The following CFLAR variants were observed in gnomAD, a reference collection of about 807,000 sequenced individuals.
CFLAR encodes the protein CASP8 and FADD like apoptosis regulator, also known as CASP8 and FADD-like apoptosis regulator.
CFLAR carries 14 observed loss-of-function variants against 51.1 expected under a neutral mutation model. That is an observed-to-expected ratio of 0.27 (90% CI 0.18 to 0.43). The LOEUF (loss-of-function observed/expected upper bound fraction) is 0.43, where lower values mean the gene tolerates loss of function less well. Ranked by LOEUF, CFLAR falls within the 20% of genes least tolerant of loss-of-function variation. CFLAR has a pLI of 1.00. For missense variants in CFLAR, 390 were observed against 566.5 expected (o/e 0.69, Z 3.16); for synonymous variants, 210 against 211.6 (o/e 0.99, Z 0.06).
chr2:201,171,193 G>T lies in CFLAR; in HGVS notation c.*7220G>T, dbSNP rs1235180424. The stretch of plus-strand genomic sequence containing the variant: ...TGAAGGATAAAAGAATACAAATTGG[G>T]TTCAGTGTATACTGCTCAGGTGATG... On this transcript the variant is annotated 3_prime_UTR_variant, in exon 10 of 10. Coordinates refer to ENST00000309955, the MANE Select transcript of CFLAR (RefSeq NM_003879.7). The T allele has an allele frequency of 6.6e-6, 1 of 152,128 alleles. No homozygotes were observed. The allele number at this position is 152,128 out of a possible 1,614,324, so 9.4% of individuals were successfully genotyped here. A position where few individuals can be genotyped will look rare whatever the true frequency, so the allele number is the denominator to read the frequency against.
At position 201,171,747 on chromosome 2, in the gene CFLAR, C is replaced by T. The variant is rs528102086; in HGVS notation, c.*7774C>T. The T allele has an allele frequency of 6.6e-5, 10 of 152,084 alleles. No individual in the cohort carries two copies. The highest frequency in any genetic ancestry group is 2.4e-4 in the African/African-American group (10 of 41,504). 9.4% of individuals were successfully genotyped at this position (152,084 alleles called of 1,614,324 possible). The stretch of plus-strand genomic sequence containing the variant: ...TGCAGTTCAGTCAAACATTGGAAGT[C>T]TTTCTCTGACTGTCTAGTTGGTATC... On this transcript the variant is annotated 3_prime_UTR_variant, in exon 10 of 10. Transcript: ENST00000309955.
Position 201,138,033 on chromosome 2 carries a change from T to G in CFLAR, c.523+1926T>G. Reference sequence around the variant, plus strand: ...GGCCACCTTGTACACAGCAGTGCCCTGGGGCTGACTGCAGGCTATCACTTC... The same window carrying G: ...GGCCACCTTGTACACAGCAGTGCCCGGGGGCTGACTGCAGGCTATCACTTC... On this transcript the variant is annotated intron_variant, in intron 4 of 9. Transcript: ENST00000309955. This position sits in a 1 kb window ranked among gnomAD's most constrained non-coding sequence, Gnocchi z 4.0. 1.4e-6 allele frequency: 1 copy of G among 725,204 alleles called. No individual in the cohort carries two copies. Among genetic ancestry groups the G allele is most frequent in the Non-Finnish European group, 2.6e-6 (1 of 391,088 alleles). The allele number at this position is 725,204 out of a possible 1,614,324, so 44.9% of individuals were successfully genotyped here.
rs1008747578 is a variant in CFLAR at position 201,168,934 on chromosome 2, A to T, written c.*4961A>T. 5 of 152,206 alleles carry T rather than the reference A, an allele frequency of 3.3e-5. No individual in the cohort carries two copies. The highest frequency in any genetic ancestry group is 7.4e-5 in the Non-Finnish European group (5 of 68,024). The allele number at this position is 152,206 out of a possible 1,614,324, so 9.4% of individuals were successfully genotyped here. ...GATGTGAAGGATCTCTTCAAGGAGA[A>T]CTACAAACCACTGCTCAAGGAAATA... On this transcript the variant is annotated 3_prime_UTR_variant, in exon 10 of 10. Coordinates refer to ENST00000309955, the MANE Select transcript of CFLAR (RefSeq NM_003879.7).
At chr2:201,147,288 G>A (rs557907382) in intron 6 of CFLAR, among the ~76,000 whole-genome samples, 2 of 152,318 alleles carry the variant, frequency 1.3e-5, no homozygotes, top group African/African-American at 4.8e-5. Flanking sequence ...CAGCACTTTG[G>A]GAGGTCGAGG....
chr2:201,158,855 T>C lies in CFLAR; in HGVS notation c.794-1577T>C, dbSNP rs574981407. Among the ~76,000 whole-genome samples, 129 of 121,620 alleles carry C rather than the reference T, an allele frequency of 1.1e-3. No homozygotes were observed. In the South Asian group the frequency reaches 0.015, roughly 14 times the overall value. The allele number at this position is 121,620 out of a possible 152,430, so 79.8% of individuals were successfully genotyped here. ...CTGTAACGGCATTTGCCCTCATCATTATTATTATTATTATTATTATTATTA... is the reference window on the plus strand; with the variant it reads ...CTGTAACGGCATTTGCCCTCATCATCATTATTATTATTATTATTATTATTA... On this transcript the variant is annotated intron_variant, in intron 8 of 9. Transcript: ENST00000309955.
chr2:201,128,819 A>G (rs1285693011), intron 1 of CFLAR, among the ~76,000 whole-genome samples: 4 of 152,222 alleles, frequency 2.6e-5, no homozygotes, highest in Non-Finnish European at 2.9e-5. Context: ...CTTAGAGTAG[A>G]TAGGTTAGCA....
chr2:201,168,806 A>ATT lies in CFLAR; in HGVS notation c.*4834_*4835dup, dbSNP rs1943828086. 1 of 152,308 alleles carries ATT rather than the reference A, an allele frequency of 6.6e-6. No individual in the cohort carries two copies. Among genetic ancestry groups the ATT allele is most frequent in the Non-Finnish European group, 1.5e-5 (1 of 68,034 alleles). The allele number at this position is 152,308 out of a possible 1,614,324, so 9.4% of individuals were successfully genotyped here. A position where few individuals can be genotyped will look rare whatever the true frequency, so the allele number is the denominator to read the frequency against. ...AAATCAATGTGCAGAAATCACAAGCATTCTATACACCAACAATACACAAGC... is the reference window on the plus strand; with the variant it reads ...AAATCAATGTGCAGAAATCACAAGCATTTTCTATACACCAACAATACACAAGC... On this transcript the variant is annotated 3_prime_UTR_variant, in exon 10 of 10. Coordinates refer to ENST00000309955, the MANE Select transcript of CFLAR (RefSeq NM_003879.7).
intron 9 of CFLAR, among the ~76,000 whole-genome samples, chr2:201,162,292 T>TG: frequency 1.3e-5 from 2 of 149,976 alleles, no homozygotes; most frequent in Admixed American, 1.3e-4. Flanking sequence ...TTAGTAGAGA[T>TG]GGGGTTTCAC....
rs558990714 is a variant in CFLAR at position 201,119,356 on chromosome 2, C to A, written c.-138+2875C>A. ...CAGCAGTTACCTACACAGGTAACTT[C>A]GAGTCAAGGCAGTTTAGACAAGATC... On this transcript the variant is annotated intron_variant, in intron 1 of 9. Coordinates refer to ENST00000309955, the MANE Select transcript of CFLAR (RefSeq NM_003879.7). 1.4e-4 allele frequency among the ~76,000 whole-genome samples: 21 copies of A among 152,264 alleles called. No homozygotes were observed. The South Asian group carries it at 4.4e-3, about 32-fold the overall frequency.
chr2:201,164,025 G>A lies in CFLAR; in HGVS notation c.*52G>A. ...TCACACCTGTAATCCCAGCACTTTG[G>A]GAGGCCAAGGAGGGCAGATCACTTC... On this transcript the variant is annotated 3_prime_UTR_variant, in exon 10 of 10. Coordinates refer to ENST00000309955, the MANE Select transcript of CFLAR (RefSeq NM_003879.7). The A allele has an allele frequency of 6.7e-7, 1 of 1,483,364 alleles. No individual in the cohort carries two copies. The highest frequency in any genetic ancestry group is 9.2e-7 in the Non-Finnish European group (1 of 1,085,156). The allele number at this position is 1,483,364 out of a possible 1,614,324, so 91.9% of individuals were successfully genotyped here.
chr2:201,134,519 C>T (rs1159409494), intron 3 of CFLAR, among the ~76,000 whole-genome samples: 1 of 151,424 alleles, frequency 6.6e-6, no homozygotes, highest in Non-Finnish European at 1.5e-5. Flanking sequence ...CCTGTAATCC[C>T]AGCTACTTGG....
intron 9 of CFLAR, among the ~76,000 whole-genome samples, chr2:201,162,116 T>C (rs2125938955): frequency 6.6e-6 from 1 of 152,240 alleles, no homozygotes; most frequent in African/African-American, 2.4e-5. Context: ...TGTTTGTTTG[T>C]TTTTTGAGAT....
intron 1 of CFLAR, chr2:201,117,010 G>A (rs1454683262): frequency 2.0e-5 from 3 of 152,160 alleles, no homozygotes; most frequent in Admixed American, 1.3e-4. Context: ...AATTCTTGGG[G>A]TGAACTGTTG....
Position 201,118,147 on chromosome 2 carries a change from C to G in CFLAR, c.-138+1666C>G, listed in dbSNP as rs142962121. ...CATCCATTTTCTTGTTTTGTTAATA[C>G]TTGCTTTACTTAAGCTTTTGGGTCA... is the stretch of plus-strand genomic sequence containing the variant. On this transcript the variant is annotated intron_variant, in intron 1 of 9. Coordinates refer to ENST00000309955, the MANE Select transcript of CFLAR (RefSeq NM_003879.7). The surrounding 1 kb of genome is among the most constrained non-coding windows in gnomAD (Gnocchi z 5.1). Among the ~76,000 whole-genome samples the G allele has an allele frequency of 1.3e-5, 2 of 152,326 alleles. No homozygotes were observed. The highest frequency in any genetic ancestry group is 3.9e-4 in the East Asian group (2 of 5,194).
At chr2:201,149,429 T>C (rs1413719916) in intron 7 of CFLAR, 11 of 297,946 alleles carry the variant, frequency 3.7e-5, no homozygotes, top group Non-Finnish European at 6.3e-5. Flanking sequence ...ATGCCACTTA[T>C]ATAACTTCAG....
chr2:201,152,685 G>A (rs73045343), intron 8 of CFLAR: 27,633 of 152,142 alleles, frequency 0.18, 2,979 homozygotes, highest in African/African-American at 0.3. Context: ...CTGGAATGGA[G>A]GCCATAACTT....
At position 201,164,375 on chromosome 2, in the gene CFLAR, G is replaced by A. The variant is rs534286635; in HGVS notation, c.*402G>A. The A allele has an allele frequency of 7.2e-5, 11 of 153,742 alleles. No homozygotes were observed. Among genetic ancestry groups the A allele is most frequent in the African/African-American group, 2.4e-4 (10 of 41,516 alleles). The allele number at this position is 153,742 out of a possible 1,614,324, so 9.5% of individuals were successfully genotyped here. A position where few individuals can be genotyped will look rare whatever the true frequency, so the allele number is the denominator to read the frequency against. On this transcript the variant is annotated 3_prime_UTR_variant, in exon 10 of 10. Transcript: ENST00000309955. ...AATAGGATACATGTATATAAAAAGGGGAGTTTATTAAGGAGTATTGACTCA... is the reference window on the plus strand; with the variant it reads ...AATAGGATACATGTATATAAAAAGGAGAGTTTATTAAGGAGTATTGACTCA...
intron 3 of CFLAR, 149 bp from the exon 4 acceptor site, chr2:201,135,823 C>G (rs1240002388): frequency 2.4e-5 from 24 of 1,000,758 alleles, no homozygotes; most frequent in Non-Finnish European, 3.4e-5. Flanking sequence ...ATGGGGGTCT[C>G]ACTATTTTGC....
At chr2:201,137,014 AG>A (rs1469591776) in intron 4 of CFLAR, 1 of 178,198 alleles carries the variant, frequency 5.6e-6, no homozygotes, top group Non-Finnish European at 1.2e-5. Flanking sequence ...GCAGGACCTA[AG>A]GGTAGCCCAG....
Sources: gnomAD v4.1 joint callset for allele counts (sites outside exome capture counted in the v4.1 genomes callset) on GRCh38, gnomAD v4.1.1 for gene constraint, Gnocchi (gnomAD v3.1) non-coding constraint, MANE v1.5 for transcripts, NCBI Gene and HGNC (gene_info 2026-07-23, HGNC 2026-07-21) for gene names.